NT5DC4: variants seen among roughly 807,000 people sequenced by gnomAD.
NT5DC4 encodes 5'-nucleotidase domain-containing protein 4.
NT5DC4 carries 44 observed loss-of-function variants against 26.6 expected under a neutral mutation model. The ratio of observed to expected loss-of-function variants is 1.65; its 90% CI spans 1.30 to 2.13. NT5DC4 has a LOEUF of 2.13. NT5DC4 is among the 30% of genes most tolerant of loss of function. The pLI is 0.00. For missense variants in NT5DC4, 399 were observed against 228.1 expected (o/e 1.75, Z -4.83); for synonymous variants, 157 against 86.7 (o/e 1.81, Z -4.51).
In NT5DC4 at chr2:112,722,747, T is replaced by C. The variant is rs1437928695; in HGVS notation, c.503T>C (p.Phe168Ser). 1.4e-5 allele frequency: 10 copies of C among 717,508 alleles called. No homozygotes were observed. The allele number at this position is 717,508 out of a possible 1,614,324, so 44.4% of individuals were successfully genotyped here. A position where few individuals can be genotyped will look rare whatever the true frequency, so the allele number is the denominator to read the frequency against. ...TYLYACLVDFFSGCSRYTNCD... is the reference protein window; with the variant it reads ...TYLYACLVDFSSGCSRYTNCD... ...CTCTATGCCTGCTTGGTGGACTTCTTCTCTGGCTGCTCCCGTTACACTAAG... is the reference window on the plus strand; with the variant it reads ...CTCTATGCCTGCTTGGTGGACTTCTCCTCTGGCTGCTCCCGTTACACTAAG... Residue 168 changes from phenylalanine (F) to serine (S), a missense_variant, in exon 6 of 17, where the codon TTC (phenylalanine) becomes TCC (serine). Physicochemically the swap from Phe to Ser is radical, Grantham distance 155. Coordinates refer to ENST00000688554, the MANE Select transcript of NT5DC4 (RefSeq NM_001393655.1).
At chr2:112,742,376 A>G (rs1680037201), downstream of NT5DC4, 1 of 717,300 alleles carries the variant, frequency 1.4e-6, no homozygotes. Flanking sequence ...TTATGATTAA[A>G]CATGTAACTT....
At chr2:112,722,992 T>TGGTG in intron 6 of NT5DC4, 89 bp from the exon 7 acceptor site, 1 of 476,072 alleles carries the variant, frequency 2.1e-6, no homozygotes, top group East Asian at 4.5e-5. Flanking sequence ...CCAGTGTGGC[T>TGGTG]GGTGGGGTTG....
At chr2:112,719,875 CTCTT>C (rs1409173883), upstream of NT5DC4, among the ~76,000 whole-genome samples, 854 of 117,302 alleles carry the variant, frequency 7.3e-3, 34 homozygotes, top group African/African-American at 0.028. Context: ...TCCTTTCTTT[CTCTT>C]TCTTTCTTTC....
At chr2:112,739,351 G>T (rs990798928), downstream of NT5DC4, among the ~76,000 whole-genome samples, 6 of 152,118 alleles carry the variant, frequency 3.9e-5, no homozygotes, top group African/African-American at 1.4e-4. Flanking sequence ...AGCCCAGAAG[G>T]TCAAGGCTGC....
chr2:112,740,955 C>A (rs1221545057), downstream of NT5DC4: 3 of 1,613,908 alleles, frequency 1.9e-6, no homozygotes, highest in South Asian at 3.3e-5. Context: ...TCTTGGCCAG[C>A]TCTTCCACTG....
chr2:112,726,856 C>T (rs1677810860), intron 15 of NT5DC4, 118 bp downstream of exon 15: 1 of 691,274 alleles, frequency 1.4e-6, no homozygotes, highest in Admixed American at 2.1e-5. Flanking sequence ...ACCCCATTCT[C>T]CTCAGCCTCG....
At chr2:112,725,684 G>A (rs1677613874) in intron 13 of NT5DC4, 132 bp downstream of exon 13, 2 of 547,492 alleles carry the variant, frequency 3.7e-6, no homozygotes, top group Non-Finnish European at 6.6e-6. Flanking sequence ...TGTTGTTTCT[G>A]AGGGAGGAAA....
intron 16 of NT5DC4, chr2:112,738,641 TAAAGCAA>T: frequency 1.7e-6 from 1 of 599,980 alleles, no homozygotes; most frequent in Non-Finnish European, 3.0e-6. Flanking sequence ...CTTAAACACA[TAAAGCAA>T]AGATTTTCCC....
chr2:112,741,577 T>C (rs1398681594), downstream of NT5DC4, among the ~76,000 whole-genome samples: 1 of 152,224 alleles, frequency 6.6e-6, no homozygotes, highest in Non-Finnish European at 1.5e-5. Context: ...GTGAGGTCAA[T>C]AGGGTGCAAC....
chr2:112,726,532 G>T (rs1484336186), intron 14 of NT5DC4, 146 bp from the exon 15 acceptor site: 2 of 675,428 alleles, frequency 3.0e-6, no homozygotes, highest in African/African-American at 1.8e-5. Context: ...ACCTGCCCTC[G>T]CACGCATGCA....
chr2:112,740,912 TTGGAGAAAG>T, downstream of NT5DC4: 5 of 1,614,076 alleles, frequency 3.1e-6, 1 homozygote, highest in South Asian at 5.5e-5. Flanking sequence ...TCCCTCTCTT[TTGGAGAAAG>T]ACAAGACTTC....
chr2:112,731,749 T>C (rs553942295), intron 16 of NT5DC4: 2 of 152,344 alleles, frequency 1.3e-5, no homozygotes, highest in Non-Finnish European at 1.5e-5. Flanking sequence ...TCTGGCATTC[T>C]GTGGAGACCT....
chr2:112,731,707 TAC>T (rs1356255219), intron 16 of NT5DC4: 2 of 152,368 alleles, frequency 1.3e-5, no homozygotes, highest in African/African-American at 4.8e-5. Context: ...AGTTTACTCC[TAC>T]AGTTTACTTT....
At chr2:112,726,133 C>T (rs1000155036) in intron 13 of NT5DC4, 105 bp from the exon 14 acceptor site, 16 of 698,760 alleles carry the variant, frequency 2.3e-5, no homozygotes, top group Non-Finnish European at 4.0e-5. Flanking sequence ...GCACACAGCT[C>T]AGGGTGTGCA....
rs1247692571 is a variant in NT5DC4 at position 112,725,158 on chromosome 2, C to G, written c.916-16C>G. 2.1e-5 allele frequency: 15 copies of G among 711,736 alleles called. No individual in the cohort carries two copies. In the South Asian group the frequency reaches 2.2e-4, roughly 11 times the overall value. The allele number at this position is 711,736 out of a possible 1,614,324, so 44.1% of individuals were successfully genotyped here. A position where few individuals can be genotyped will look rare whatever the true frequency, so the allele number is the denominator to read the frequency against. ...TGTGGTTCTCCTGGCTCCAGGGCACCCCTCTGCCCCTCCAGGACTCAGGAA... is the reference window on the plus strand; with the variant it reads ...TGTGGTTCTCCTGGCTCCAGGGCACGCCTCTGCCCCTCCAGGACTCAGGAA... On this transcript the variant is annotated splice_polypyrimidine_tract_variant and intron_variant, in intron 11 of 16. Transcript: ENST00000688554.
downstream of NT5DC4, chr2:112,739,096 T>G: frequency 7.3e-7 from 1 of 1,371,724 alleles, no homozygotes; most frequent in African/African-American, 1.5e-5. Flanking sequence ...TTTAAAAAAA[T>G]TATCTTTATT....
intron 16 of NT5DC4, among the ~76,000 whole-genome samples, chr2:112,732,091 A>G (rs1311095743): frequency 1.3e-5 from 2 of 151,954 alleles, no homozygotes; most frequent in Non-Finnish European, 2.9e-5. Flanking sequence ...TTGTATTTTT[A>G]GTAGAGACAG....
chr2:112,737,947 G>A (rs1404625388), intron 16 of NT5DC4: 1 of 151,500 alleles, frequency 6.6e-6, no homozygotes. Context: ...GTGTTGACTA[G>A]GTTTTTCTAC....
At position 112,738,974 on chromosome 2, in the gene NT5DC4, G is replaced by A; in HGVS notation, c.*38G>A. 1 of 1,614,192 alleles carries A rather than the reference G, an allele frequency of 6.2e-7. No homozygotes were observed. The highest frequency in any genetic ancestry group is 1.1e-5 in the South Asian group (1 of 91,082). ...CAGCATTTCTGGGTAGCGGGACACT[G>A]CTCGCTCAATCCTCGACGAACGCCG... On this transcript the variant is annotated 3_prime_UTR_variant, in exon 17 of 17. Coordinates refer to ENST00000688554, the MANE Select transcript of NT5DC4 (RefSeq NM_001393655.1).
Sources: gnomAD v4.1 joint callset for allele counts (sites outside exome capture counted in the v4.1 genomes callset) on GRCh38, gnomAD v4.1.1 for gene constraint, MANE v1.5 for transcripts, NCBI Gene and HGNC (gene_info 2026-07-23, HGNC 2026-07-21) for gene names.